The following AGBL1 variants were observed in gnomAD, a reference collection of about 807,000 sequenced individuals.
AGBL1 encodes the protein cytosolic carboxypeptidase 4.
Under a neutral mutation model 118.9 loss-of-function variants are expected in AGBL1, and 130 were observed. That is an observed-to-expected ratio of 1.09 (90% CI 0.95 to 1.26). AGBL1 has a LOEUF of 1.26. AGBL1 is among the 50% of genes most tolerant of loss of function. The pLI, the probability that AGBL1 is intolerant of heterozygous loss-of-function variation, is 0.00. For synonymous variants in AGBL1, 555 were observed against 478.9 expected, an observed-to-expected ratio of 1.16 and a Z score of -2.08; for missense variants, 1,584 against 1,298.1, an observed-to-expected ratio of 1.22 and a Z score of -3.38.
At chr15:86,347,073 G>A (rs1268250991) in intron 17 of AGBL1, among the ~76,000 whole-genome samples, 4 of 152,164 alleles carry the variant, frequency 2.6e-5, no homozygotes, top group Non-Finnish European at 5.9e-5. Flanking sequence ...ACAGTAAAAG[G>A]TATATATTAA....
intron 18 of AGBL1, among the ~76,000 whole-genome samples, chr15:86,429,814 G>C (rs2081912945): frequency 6.6e-6 from 1 of 152,168 alleles, no homozygotes; most frequent in African/African-American, 2.4e-5. Context: ...GAAAGCCAGA[G>C]ACATTAAAAG....
chr15:86,153,507 C>T (rs8039351), intron 3 of AGBL1, among the ~76,000 whole-genome samples: 31,547 of 135,364 alleles, frequency 0.23, 3,851 homozygotes, highest in East Asian at 0.39. Flanking sequence ...CGGGGCCTGT[C>T]GTGGGGTGGG....
intron 5 of AGBL1, among the ~76,000 whole-genome samples, chr15:86,217,714 G>A (rs1305870352): frequency 6.6e-6 from 1 of 152,202 alleles, no homozygotes. Context: ...ATGGGTACAT[G>A]CTCTAGGTCT....
At chr15:86,692,976 T>C (rs578180164) in intron 22 of AGBL1, among the ~76,000 whole-genome samples, 1 of 152,208 alleles carries the variant, frequency 6.6e-6, no homozygotes, top group Non-Finnish European at 1.5e-5. Flanking sequence ...CCATTCCATA[T>C]AGATATATCA....
intron 18 of AGBL1, among the ~76,000 whole-genome samples, chr15:86,507,147 G>T (rs2082987715): frequency 6.6e-6 from 1 of 151,956 alleles, no homozygotes; most frequent in Non-Finnish European, 1.5e-5. Context: ...TTTCTCCTTG[G>T]ATCTTAGTGG....
At chr15:86,840,069 T>G (rs2141434724) in intron 22 of AGBL1, among the ~76,000 whole-genome samples, 1 of 152,310 alleles carries the variant, frequency 6.6e-6, no homozygotes, top group East Asian at 1.9e-4. Context: ...AGAAACATAT[T>G]TCAAAATTTG....
chr15:86,633,799 G>GTA (rs201666226), intron 21 of AGBL1, among the ~76,000 whole-genome samples: 79 of 86,832 alleles, frequency 9.1e-4, no homozygotes, highest in African/African-American at 2.4e-3. Context: ...TATATATAAT[G>GTA]TATATATATA....
chr15:86,399,411 C>G (rs2081412682), intron 18 of AGBL1, among the ~76,000 whole-genome samples: 1 of 152,126 alleles, frequency 6.6e-6, no homozygotes, highest in African/African-American at 2.4e-5. Context: ...CAAGTTGGCT[C>G]TTTTCTGAAA....
chr15:86,451,516 C>G (rs748784326), intron 18 of AGBL1, among the ~76,000 whole-genome samples: 1 of 152,162 alleles, frequency 6.6e-6, no homozygotes, highest in Admixed American at 6.5e-5. Context: ...CCTGTGGTCA[C>G]GTGGCCAAAC....
At chr15:86,456,237 C>T (rs1567000478) in intron 18 of AGBL1, among the ~76,000 whole-genome samples, 1 of 152,174 alleles carries the variant, frequency 6.6e-6, no homozygotes, top group East Asian at 1.9e-4. Context: ...TAATAAGTCA[C>T]ATCACATTTA....
chr15:86,803,271 T>C (rs1305642423), intron 22 of AGBL1, among the ~76,000 whole-genome samples: 2 of 152,162 alleles, frequency 1.3e-5, no homozygotes, highest in African/African-American at 4.8e-5. Context: ...TCATGAGATC[T>C]GATGGTTTTA....
At chr15:86,475,943 T>G (rs2082552716) in intron 18 of AGBL1, among the ~76,000 whole-genome samples, 1 of 152,162 alleles carries the variant, frequency 6.6e-6, no homozygotes. Context: ...GAAACGAATT[T>G]TCAACCCAGA....
At chr15:86,161,116 G>C (rs540842386) in intron 5 of AGBL1, among the ~76,000 whole-genome samples, 2 of 152,322 alleles carry the variant, frequency 1.3e-5, no homozygotes, top group South Asian at 4.1e-4. Context: ...AGTGAGAGTA[G>C]GGTGCTCCCA....
intron 19 of AGBL1, among the ~76,000 whole-genome samples, chr15:86,524,824 G>C (rs2083240892): frequency 6.6e-6 from 1 of 152,152 alleles, no homozygotes; most frequent in Non-Finnish European, 1.5e-5. Flanking sequence ...TAGTCTTGCT[G>C]AGTCAATCTT....
chr15:86,749,231 T>G lies in AGBL1; in HGVS notation c.3158+74795T>G, dbSNP rs2077808097. On this transcript the variant is annotated intron_variant, in intron 22 of 22. Coordinates refer to ENST00000614907, the MANE Select transcript of AGBL1 (RefSeq NM_001386094.1). The stretch of plus-strand genomic sequence containing the variant: ...TCCTTGAAGAGGTCCTTCACATCCC[T>G]TGGAAGTTGGATTCCTAAGTATTGT... Among the ~76,000 whole-genome samples, 3 of 152,182 alleles carry G rather than the reference T, an allele frequency of 2.0e-5. No individual in the cohort carries two copies. The South Asian group carries it at 6.2e-4, about 31-fold the overall frequency.
At chr15:86,079,795 C>T (rs538617351), upstream of AGBL1, 12 of 401,936 alleles carry the variant, frequency 3.0e-5, no homozygotes, top group Middle Eastern at 6.3e-4. Context: ...GGTGGGTATT[C>T]ACGCCTGTGC....
chr15:86,802,539 T>C (rs1277150374), intron 22 of AGBL1, among the ~76,000 whole-genome samples: 1 of 152,168 alleles, frequency 6.6e-6, no homozygotes. Context: ...TCTTTATTTT[T>C]AGTCTAGCAT....
At position 86,800,939 on chromosome 15, in the gene AGBL1, G is replaced by A. The variant is rs192983961; in HGVS notation, c.3159-106148G>A. Reference sequence around the variant, plus strand: ...TAGAGAAGGTGACATTTTAAGGGGTGAGATGCATGAAATATCAACTAAAGA... The same window carrying A: ...TAGAGAAGGTGACATTTTAAGGGGTAAGATGCATGAAATATCAACTAAAGA... On this transcript the variant is annotated intron_variant, in intron 22 of 22. Coordinates refer to ENST00000614907, the MANE Select transcript of AGBL1 (RefSeq NM_001386094.1). Among the ~76,000 whole-genome samples the A allele has an allele frequency of 2.8e-4, 43 of 152,194 alleles. 1 individual carries two copies. In the South Asian group the frequency reaches 7.7e-3, roughly 27 times the overall value.
intron 21 of AGBL1, among the ~76,000 whole-genome samples, chr15:86,666,212 T>G (rs2085641661): frequency 6.6e-6 from 1 of 152,094 alleles, no homozygotes; most frequent in Admixed American, 6.6e-5. Context: ...CCTTGCTGTC[T>G]CTTGGTCCTA....
Sources: gnomAD v4.1 joint callset for allele counts (sites outside exome capture counted in the v4.1 genomes callset) on GRCh38, gnomAD v4.1.1 for gene constraint, MANE v1.5 for transcripts, NCBI Gene and HGNC (gene_info 2026-07-23, HGNC 2026-07-21) for gene names.